Variants in RELN observed in about 807,000 individuals in gnomAD.
RELN encodes reelin.
RELN carries 108 observed loss-of-function variants against 427.6 expected under a neutral mutation model. That is an observed-to-expected ratio of 0.25 (90% confidence interval 0.22 to 0.30). The LOEUF (loss-of-function observed/expected upper bound fraction) is 0.30, where lower values mean the gene tolerates loss of function less well. Ranked by LOEUF, RELN falls within the 10% of genes least tolerant of loss-of-function variation. RELN has a pLI of 1.00. For missense variants in RELN, 3,715 were observed against 4,302.8 expected (o/e 0.86, Z 3.82); for synonymous variants, 1,524 against 1,513.4 (o/e 1.01, Z -0.16).
chr7:103,500,847 T>C lies in RELN; in HGVS notation c.8565A>G (p.Gly2855=). Residue 2855 remains glycine, a synonymous_variant, in exon 53 of 65, where the codon GGA becomes GGG. Coordinates refer to ENST00000428762, the MANE Select transcript of RELN (RefSeq NM_005045.4). ...CATGGCCCCTGCAGTTGTCCAAGCA[T>C]CCAGGGCCCAGGTAGAAATTATCGA... ...WAIDNFYLGP[G]CLDNCRGHGD... 1 of 1,614,132 alleles carries C rather than the reference T, an allele frequency of 6.2e-7. No homozygotes were observed. Among genetic ancestry groups the C allele is most frequent in the Non-Finnish European group, 8.5e-7 (1 of 1,179,994 alleles).
At chr7:103,858,311 T>C (rs762105234) in intron 2 of RELN, among the ~76,000 whole-genome samples, 6 of 152,184 alleles carry the variant, frequency 3.9e-5, no homozygotes, top group Non-Finnish European at 8.8e-5. Flanking sequence ...GTTAAATAAG[T>C]CAGTATAAGC....
chr7:103,952,904 G>A (rs1274231524), intron 1 of RELN, among the ~76,000 whole-genome samples: 1 of 152,100 alleles, frequency 6.6e-6, no homozygotes, highest in Non-Finnish European at 1.5e-5. Context: ...TACTAACCGG[G>A]AAAACGGTAT....
At chr7:103,486,135 T>C in intron 61 of RELN, 62 bp downstream of exon 61, 22 of 1,472,430 alleles carry the variant, frequency 1.5e-5, no homozygotes, top group Non-Finnish European at 1.4e-5. Flanking sequence ...TAACAGACAA[T>C]GGACAATCAC....
Position 103,500,778 on chromosome 7 carries a change from T to G in RELN, c.8634A>C (p.Ser2878=). Residue 2878 remains serine (S), a synonymous_variant, in exon 53 of 65, where the codon TCA becomes TCC. Transcript: ENST00000428762. The part of the protein sequence containing the change: ...REQCICDPGY[S]GPNCYLTHTL... The stretch of plus-strand genomic sequence containing the variant: ...TGTGGGTCAAGTAGCAGTTTGGCCC[T>G]GAGTATCCCGGATCACAGATGCACT... 6.2e-7 allele frequency: 1 copy of G among 1,614,108 alleles called. No homozygotes were observed. The highest frequency in any genetic ancestry group is 8.5e-7 in the Non-Finnish European group (1 of 1,179,984).
intron 2 of RELN, among the ~76,000 whole-genome samples, chr7:103,892,857 C>G (rs1039230685): frequency 6.6e-5 from 10 of 152,088 alleles, no homozygotes; most frequent in Admixed American, 6.6e-4. Flanking sequence ...TAACATCTTT[C>G]AGAATATACC....
At chr7:103,907,033 C>A (rs979323809) in intron 2 of RELN, among the ~76,000 whole-genome samples, 2 of 152,066 alleles carry the variant, frequency 1.3e-5, no homozygotes, top group Non-Finnish European at 1.5e-5. Context: ...CAACAAAAGA[C>A]ATATCCATAC....
At chr7:103,931,210 G>A (rs146920946) in intron 1 of RELN, among the ~76,000 whole-genome samples, 181 of 151,974 alleles carry the variant, frequency 1.2e-3, no homozygotes, top group African/African-American at 4.1e-3. Context: ...CTGACTCCAC[G>A]CTCCGGCACA....
intron 1 of RELN, among the ~76,000 whole-genome samples, chr7:103,952,232 G>A (rs575722111): frequency 8.5e-5 from 13 of 152,266 alleles, no homozygotes; most frequent in African/African-American, 3.1e-4. Context: ...AAATGGGTGA[G>A]TCCAAGGATC....
At chr7:103,819,201 G>A (rs1393767691) in intron 3 of RELN, among the ~76,000 whole-genome samples, 1 of 151,682 alleles carries the variant, frequency 6.6e-6, no homozygotes, top group African/African-American at 2.4e-5. Context: ...TTTAAAATAA[G>A]TTTTACTGTC....
rs540177430 is a variant in RELN, at chr7:103,644,469, T to G, written c.2003-3860A>C. Among the ~76,000 whole-genome samples, 3 of 150,478 alleles carry G rather than the reference T, an allele frequency of 2.0e-5. No individual in the cohort carries two copies. In the East Asian group the frequency reaches 5.9e-4, roughly 29 times the overall value. ...AAACTTTTAGAAATGAAAAATTCAT[T>G]GAAGGAATTACAAAACATAGTTGAA... is the stretch of plus-strand genomic sequence containing the variant. On this transcript the variant is annotated intron_variant, in intron 16 of 64. Transcript: ENST00000428762.
rs79105678 is a variant in RELN at position 103,677,968 on chromosome 7, C to G, written c.1289+4148G>C. On this transcript the variant is annotated intron_variant, in intron 11 of 64. Coordinates refer to ENST00000428762, the MANE Select transcript of RELN (RefSeq NM_005045.4). Reference sequence around the variant, plus strand: ...CCATCAGATCCCTGCTCTCTCTGGTCCAACTACAGGTCACTTTCTTGTTTT... The same window carrying G: ...CCATCAGATCCCTGCTCTCTCTGGTGCAACTACAGGTCACTTTCTTGTTTT... Among the ~76,000 whole-genome samples, 739 of 152,038 alleles carry G rather than the reference C, an allele frequency of 4.9e-3. 13 individuals are homozygous for G. Among genetic ancestry groups the G allele is most frequent in the Admixed American group, 0.036 (549 of 15,260 alleles).
At chr7:103,965,479 T>C (rs1019677216) in intron 1 of RELN, among the ~76,000 whole-genome samples, 2 of 152,192 alleles carry the variant, frequency 1.3e-5, no homozygotes, top group Non-Finnish European at 2.9e-5. Flanking sequence ...TATAGCCCTA[T>C]ACTCATAAAA....
At chr7:103,567,197 G>C (rs1052378922) in intron 31 of RELN, among the ~76,000 whole-genome samples, 20 of 152,246 alleles carry the variant, frequency 1.3e-4, no homozygotes, top group Admixed American at 1.3e-3. Flanking sequence ...CGCCTGGTAT[G>C]AAATTCTATT....
Position 103,636,271 on chromosome 7 carries a change from T to C in RELN, c.2267A>G (p.Gln756Arg). 6.2e-7 allele frequency: 1 copy of C among 1,613,958 alleles called. No individual in the cohort carries two copies. ...GCTGTCAAGGAAAGATGTAATTAGC[T>C]GACGCCGCCCATCTTTGTTGAAAAC... ...ALVFNKDGRR[Q>R]LITSFLDSSQ... The change falls in exon 18 of 65, where the codon CAG becomes CGG. Residue 756 changes from glutamine (Q) to arginine (R), a missense_variant. This residue lies in a region of RELN where 2,208 missense variants were observed against 2,361.7 expected (regional missense o/e 0.93). Coordinates refer to ENST00000428762, the MANE Select transcript of RELN (RefSeq NM_005045.4).
chr7:103,929,038 CTTG>C (rs1275747159), intron 1 of RELN, among the ~76,000 whole-genome samples: 3 of 152,178 alleles, frequency 2.0e-5, no homozygotes, highest in African/African-American at 4.8e-5. Context: ...GTCAGCATAT[CTTG>C]TTGTGGGAAA....
At chr7:103,759,565 T>G (rs1791244112) in intron 4 of RELN, among the ~76,000 whole-genome samples, 1 of 151,888 alleles carries the variant, frequency 6.6e-6, no homozygotes, top group Non-Finnish European at 1.5e-5. Context: ...GTCAGAAGAG[T>G]TGCAGCTTTT....
At chr7:103,962,274 G>A (rs1378036041) in intron 1 of RELN, among the ~76,000 whole-genome samples, 2 of 152,088 alleles carry the variant, frequency 1.3e-5, no homozygotes, top group African/African-American at 4.8e-5. Flanking sequence ...ACCACTGGCA[G>A]CATTCCTTGA....
intron 3 of RELN, among the ~76,000 whole-genome samples, chr7:103,819,628 C>G (rs1792967666): frequency 6.6e-6 from 1 of 152,038 alleles, no homozygotes; most frequent in African/African-American, 2.4e-5. Flanking sequence ...TCTTCCCTTA[C>G]TATATATTTG....
chr7:103,841,592 T>G (rs188652728), intron 2 of RELN, among the ~76,000 whole-genome samples: 1 of 152,294 alleles, frequency 6.6e-6, no homozygotes, highest in East Asian at 1.9e-4. Flanking sequence ...ATTTTAAGTT[T>G]GTGACTAAAC....
Sources: allele counts gnomAD v4.1 joint callset (sites outside exome capture counted in the v4.1 genomes callset), GRCh38; gene constraint gnomAD v4.1.1; regional missense constraint gnomAD v4.1.1; transcripts MANE v1.5; gene names NCBI Gene and HGNC (gene_info 2026-07-23, HGNC 2026-07-21).